Variants in PLEKHG5 observed in about 807,000 individuals in gnomAD.
PLEKHG5 encodes pleckstrin homology and RhoGEF domain containing G5.
In PLEKHG5, 52 loss-of-function variants were observed where a neutral mutation model predicts 103.8. The observed-to-expected ratio is 0.50, with a 90% CI of 0.40 to 0.63. The LOEUF is 0.63. Among genes scored for constraint, PLEKHG5 ranks in the 30% least tolerant of loss-of-function variants. PLEKHG5 has a pLI of 0.00. For missense variants in PLEKHG5, 1,205 were observed against 1,347.6 expected (o/e 0.89, Z 1.66); for synonymous variants, 592 against 575.5 (o/e 1.03, Z -0.41).
intron 12 of PLEKHG5, 71 bp downstream of exon 12, chr1:6,471,417 C>T (rs987339430): frequency 6.7e-7 from 1 of 1,503,368 alleles, no homozygotes; most frequent in Non-Finnish European, 9.0e-7. Context: ...CAGACCGGAT[C>T]GGGCCGTGGA....
chr1:6,511,261 C>T (rs917413055), intron 1 of PLEKHG5, among the ~76,000 whole-genome samples: 2 of 152,128 alleles, frequency 1.3e-5, no homozygotes, highest in African/African-American at 2.4e-5. Context: ...GCCCCCAACA[C>T]CCTCCCCTCC....
intron 2 of PLEKHG5, among the ~76,000 whole-genome samples, chr1:6,477,267 G>A (rs922817527): frequency 2.6e-5 from 4 of 152,256 alleles, no homozygotes; most frequent in Admixed American, 2.6e-4. Flanking sequence ...TGGGCCACAG[G>A]CCAGGGGCAA....
chr1:6,474,583 C>T lies in PLEKHG5; in HGVS notation c.307G>A (p.Val103Met), dbSNP rs141032388. The T allele has an allele frequency of 3.1e-3, 4,926 of 1,613,564 alleles. 8 individuals are homozygous for T. Among genetic ancestry groups the T allele is most frequent in the Non-Finnish European group, 3.8e-3 (4,508 of 1,179,974 alleles). ...PAMKKKSLGE[V>M]LLPVFERKGI... ...TTCCTTTCAAATACAGGCAGCAGCACCTCCCTGCCCCCAGGACAGGAGGCA... is the reference window on the plus strand; with the variant it reads ...TTCCTTTCAAATACAGGCAGCAGCATCTCCCTGCCCCCAGGACAGGAGGCA... Residue 103 changes from valine (V) to methionine (M), a missense_variant, in exon 6 of 21, where the codon GTG becomes ATG. Transcript: ENST00000377728.
chr1:6,506,264 C>T (rs534482067), intron 1 of PLEKHG5: 1 of 152,498 alleles, frequency 6.6e-6, no homozygotes, highest in East Asian at 1.9e-4. Flanking sequence ...TCAGGGACCA[C>T]TGGGGCTGGC....
chr1:6,497,135 G>A, upstream of PLEKHG5: 1 of 1,143,010 alleles, frequency 8.7e-7, no homozygotes, highest in Non-Finnish European at 1.3e-6. The surrounding 1 kb of genome is among the most constrained non-coding windows in gnomAD (Gnocchi z 6.1). Context: ...GCGGGGGGAG[G>A]GAGGAGAAGC....
chr1:6,481,610 TC>T (rs1352372944), intron 1 of PLEKHG5, among the ~76,000 whole-genome samples: 3 of 147,286 alleles, frequency 2.0e-5, no homozygotes, highest in Admixed American at 6.8e-5. Context: ...ATGCCTGTAA[TC>T]CCCAGCACTT....
chr1:6,516,771 ATATATGTGTGTGTGTTATATATATGTG>A (rs1638627216), intron 1 of PLEKHG5, among the ~76,000 whole-genome samples: 2 of 130,658 alleles, frequency 1.5e-5, no homozygotes, highest in Admixed American at 8.4e-5. Flanking sequence ...ATATGTGTAT[ATATATGTGTGTGTGTTATATATATGTG>A]TATATATATG....
chr1:6,477,734 G>GA, intron 1 of PLEKHG5, 76 bp from the exon 2 acceptor site: 1 of 1,516,556 alleles, frequency 6.6e-7, no homozygotes, highest in Non-Finnish European at 9.0e-7. Context: ...GCGCTGCAGG[G>GA]ACTTAGAATG....
At chr1:6,516,386 A>G (rs1570012388) in intron 1 of PLEKHG5, among the ~76,000 whole-genome samples, 1 of 152,198 alleles carries the variant, frequency 6.6e-6, no homozygotes, top group South Asian at 2.1e-4. Context: ...GGCCAGGCGC[A>G]GTGACTCATG....
At chr1:6,475,573 A>G (rs1644743123) in intron 3 of PLEKHG5, 51 bp from the exon 4 acceptor site, 2 of 1,516,878 alleles carry the variant, frequency 1.3e-6, no homozygotes, top group Non-Finnish European at 1.8e-6. Flanking sequence ...GGCCCTCGCC[A>G]GCGTGGGCGG....
chr1:6,473,181 A>C lies in PLEKHG5; in HGVS notation c.796-7T>G. 1 of 1,613,702 alleles carries C rather than the reference A, an allele frequency of 6.2e-7. No individual in the cohort carries two copies. On this transcript the variant is annotated splice_region_variant and splice_polypyrimidine_tract_variant and intron_variant, in intron 8 of 20. Coordinates refer to ENST00000377728, the MANE Select transcript of PLEKHG5 (RefSeq NM_020631.6). ...GCTCCATCTTGTCTACCTCCTGGAA[A>C]GATACCCTGGTCAGGGTCAGGGGTC...
At chr1:6,493,216 G>A (rs1645176795), upstream of PLEKHG5, among the ~76,000 whole-genome samples, 1 of 152,188 alleles carries the variant, frequency 6.6e-6, no homozygotes, top group Admixed American at 6.5e-5. Flanking sequence ...GGCAGCCTGG[G>A]GGGAAGTTTG....
rs1245589845 is a variant in PLEKHG5 at position 6,487,413 on chromosome 1, G to C, written c.-88+4224C>G. Among the ~76,000 whole-genome samples, 2 of 152,072 alleles carry C rather than the reference G, an allele frequency of 1.3e-5. No homozygotes were observed. Among genetic ancestry groups the C allele is most frequent in the Admixed American group, 6.6e-5 (1 of 15,252 alleles). On this transcript the variant is annotated intron_variant, in intron 1 of 20. Transcript: ENST00000377728. The surrounding 1 kb of genome is among the most constrained non-coding windows in gnomAD (Gnocchi z 4.1). ...ATTACAGGCATGAGCCACCACACCC[G>C]GCCAACAGGCAGAGTTTTGAAAACT...
At chr1:6,503,102 T>C (rs1645314321) in intron 1 of PLEKHG5, among the ~76,000 whole-genome samples, 1 of 152,142 alleles carries the variant, frequency 6.6e-6, no homozygotes, top group African/African-American at 2.4e-5. Context: ...GCATGGATAT[T>C]CCAGGAGCCT....
At chr1:6,517,981 G>A (rs2148641445) in intron 1 of PLEKHG5, among the ~76,000 whole-genome samples, 1 of 152,210 alleles carries the variant, frequency 6.6e-6, no homozygotes, top group Admixed American at 6.5e-5. Flanking sequence ...CGCCCAGGCT[G>A]GAGTGCAGTG....
intron 1 of PLEKHG5, among the ~76,000 whole-genome samples, chr1:6,503,673 G>A (rs897366266): frequency 2.6e-5 from 4 of 152,176 alleles, no homozygotes; most frequent in Admixed American, 1.3e-4. Flanking sequence ...GCCTAGCAAA[G>A]TGCTGGGATT....
In PLEKHG5 at chr1:6,509,623, C is replaced by T. The variant is rs189776613; in HGVS notation, c.-165+9822G>A. Among the ~76,000 whole-genome samples the T allele has an allele frequency of 7.7e-3, 1,172 of 152,308 alleles. 15 individuals are homozygous for T. The highest frequency in any genetic ancestry group is 0.025 in the Admixed American group (386 of 15,302). On this transcript the variant is annotated intron_variant, in intron 1 of 21. Coordinates refer to the PLEKHG5 transcript ENST00000377740. ...GCTGGGGGCTCCACGGGCCCCTGAA[C>T]ATCCTTTCTCCCCTCAACCACCCTG...
upstream of PLEKHG5, chr1:6,496,586 G>C: frequency 6.5e-7 from 1 of 1,532,216 alleles, no homozygotes; most frequent in South Asian, 1.2e-5. Context: ...GGGAGGAGCA[G>C]AGGGCATCAG....
chr1:6,518,492 G>A (rs1203241099), intron 1 of PLEKHG5, among the ~76,000 whole-genome samples: 5 of 150,712 alleles, frequency 3.3e-5, no homozygotes, highest in African/African-American at 4.9e-5. Flanking sequence ...CCCAGGAGGC[G>A]GAGCTTGTGG....
Sources: allele counts gnomAD v4.1 joint callset (sites outside exome capture counted in the v4.1 genomes callset), GRCh38; gene constraint gnomAD v4.1.1; non-coding constraint Gnocchi (gnomAD v3.1); transcripts MANE v1.5; gene names NCBI Gene and HGNC (gene_info 2026-07-23, HGNC 2026-07-21).